Variants in RBFOX1 observed in about 807,000 individuals in gnomAD.
RBFOX1 encodes RNA binding fox-1 homolog 1.
Under a neutral mutation model 57.7 loss-of-function variants are expected in RBFOX1, and 8 were observed. The ratio of observed to expected loss-of-function variants is 0.14; its 90% CI spans 0.08 to 0.25. The LOEUF is 0.25. RBFOX1 is among the 10% of genes least tolerant of loss of function. The pLI, the probability that RBFOX1 is intolerant of heterozygous loss-of-function variation, is 1.00. For missense variants in RBFOX1, 611 were observed against 548.5 expected, an observed-to-expected ratio of 1.11 and a Z score of -1.14; for synonymous variants, 326 against 222.4, an observed-to-expected ratio of 1.47 and a Z score of -4.15.
chr16:7,546,465 C>G (rs1400079511), intron 5 of RBFOX1, among the ~76,000 whole-genome samples: 1 of 152,162 alleles, frequency 6.6e-6, no homozygotes, highest in Non-Finnish European at 1.5e-5. Flanking sequence ...TGTGCTTAAA[C>G]CCATATTCAA....
intron 2 of RBFOX1, among the ~76,000 whole-genome samples, chr16:5,477,101 C>G (rs1597223822): frequency 1.3e-5 from 2 of 152,216 alleles, no homozygotes; most frequent in African/African-American, 4.8e-5. Context: ...GCAGCCTCGA[C>G]CTCCTGGGCT....
chr16:5,370,064 T>C (rs1471313025), intron 1 of RBFOX1, among the ~76,000 whole-genome samples: 3 of 152,150 alleles, frequency 2.0e-5, no homozygotes, highest in Non-Finnish European at 2.9e-5. Context: ...TACTATGTGC[T>C]GGGCACCATT....
intron 3 of RBFOX1, among the ~76,000 whole-genome samples, chr16:6,822,403 G>A (rs1379231566): frequency 6.6e-6 from 1 of 152,174 alleles, no homozygotes; most frequent in Non-Finnish European, 1.5e-5. Context: ...ATGCCAGCAA[G>A]TCTTTTAAAA....
At chr16:5,700,128 G>A (rs1374153999) in intron 3 of RBFOX1, among the ~76,000 whole-genome samples, 1 of 152,166 alleles carries the variant, frequency 6.6e-6, no homozygotes, top group Non-Finnish European at 1.5e-5. Flanking sequence ...CACCATGCCT[G>A]GCCAGTGTTC....
At chr16:6,421,921 CTTTTTTTTTTT>C (rs35479646) in intron 2 of RBFOX1, among the ~76,000 whole-genome samples, 1 of 99,822 alleles carries the variant, frequency 1.0e-5, no homozygotes, top group East Asian at 2.9e-4. Context: ...GGGACCAGAC[CTTTTTTTTTTT>C]TTTTTTTTTG....
intron 4 of RBFOX1, among the ~76,000 whole-genome samples, chr16:5,904,878 G>T (rs185032378): frequency 0.022 from 3,341 of 150,274 alleles, 53 homozygotes; most frequent in Middle Eastern, 0.042. Flanking sequence ...TCGGGAGGCT[G>T]AGGCAGGAGA....
chr16:7,067,805 G>C (rs530000167), intron 4 of RBFOX1, among the ~76,000 whole-genome samples: 4 of 150,948 alleles, frequency 2.6e-5, no homozygotes, highest in East Asian at 3.9e-4. Context: ...TTGTCCTTGC[G>C]ATAGTTTACT....
At chr16:5,575,546 G>A (rs1379303508) in intron 2 of RBFOX1, among the ~76,000 whole-genome samples, 1 of 152,156 alleles carries the variant, frequency 6.6e-6, no homozygotes, top group Non-Finnish European at 1.5e-5. Flanking sequence ...TACACTGCCT[G>A]GCATCTACTC....
At chr16:6,202,513 C>G (rs1461032258) in intron 1 of RBFOX1, among the ~76,000 whole-genome samples, 2 of 152,098 alleles carry the variant, frequency 1.3e-5, no homozygotes, top group African/African-American at 4.8e-5. Flanking sequence ...TCACAGATAA[C>G]TCATGCACCT....
At chr16:5,250,798 C>A (rs1243971538) in intron 1 of RBFOX1, among the ~76,000 whole-genome samples, 1 of 152,140 alleles carries the variant, frequency 6.6e-6, no homozygotes, top group Non-Finnish European at 1.5e-5. Context: ...GGATGGTTTC[C>A]GCCTTTTCCC....
At chr16:6,762,151 G>A (rs1478234528) in intron 3 of RBFOX1, among the ~76,000 whole-genome samples, 1 of 152,064 alleles carries the variant, frequency 6.6e-6, no homozygotes, top group Non-Finnish European at 1.5e-5. Context: ...CTTCTCCTCT[G>A]TAAAATGTAG....
intron 5 of RBFOX1, among the ~76,000 whole-genome samples, chr16:7,559,768 G>C (rs1035105279): frequency 8.5e-5 from 13 of 152,130 alleles, no homozygotes; most frequent in African/African-American, 3.1e-4. Flanking sequence ...CTTAGTCTTT[G>C]GTTCTTATCC....
chr16:6,797,559 G>T lies in RBFOX1; in HGVS notation c.-16+142909G>T, dbSNP rs527771985. On this transcript the variant is annotated intron_variant, in intron 3 of 15. Coordinates refer to ENST00000550418, the MANE Select transcript of RBFOX1 (RefSeq NM_018723.4). ...ACTGCACCTATTATATTACAATGGG[G>T]GTAAAAGAAGCACTTTCCATTTTCA... Among the ~76,000 whole-genome samples the T allele has an allele frequency of 5.3e-5, 8 of 152,156 alleles. No individual in the cohort carries two copies. The South Asian group carries it at 1.7e-3, about 32-fold the overall frequency.
chr16:7,178,251 C>G (rs138227892), intron 4 of RBFOX1, among the ~76,000 whole-genome samples: 6 of 152,354 alleles, frequency 3.9e-5, no homozygotes, highest in African/African-American at 1.4e-4. Context: ...GTCAGAGGCA[C>G]TATCAGCCTG....
At chr16:7,214,048 C>T (rs970570046) in intron 4 of RBFOX1, among the ~76,000 whole-genome samples, 2 of 151,516 alleles carry the variant, frequency 1.3e-5, no homozygotes, top group East Asian at 3.9e-4. Flanking sequence ...GAAACTGGTC[C>T]TTTCTGGAAG....
At chr16:7,650,704 G>T (rs1241940881) in intron 11 of RBFOX1, among the ~76,000 whole-genome samples, 1 of 152,156 alleles carries the variant, frequency 6.6e-6, no homozygotes, top group Admixed American at 6.5e-5. Context: ...ACAATGAATG[G>T]GTCAGCATAA....
chr16:6,692,503 C>G (rs2060343303), intron 3 of RBFOX1, among the ~76,000 whole-genome samples: 1 of 152,158 alleles, frequency 6.6e-6, no homozygotes, highest in Non-Finnish European at 1.5e-5. Context: ...AACAAAGAAA[C>G]AAACAGCATG....
chr16:6,804,089 C>T (rs1443478955), intron 3 of RBFOX1, among the ~76,000 whole-genome samples: 1 of 152,082 alleles, frequency 6.6e-6, no homozygotes, highest in Non-Finnish European at 1.5e-5. Flanking sequence ...TCGCTGCAAC[C>T]TCTGCCTCCT....
intron 3 of RBFOX1, among the ~76,000 whole-genome samples, chr16:6,767,673 T>C (rs539210881): frequency 5.3e-4 from 81 of 152,018 alleles, no homozygotes; most frequent in African/African-American, 1.9e-3. Flanking sequence ...CCCAACACTT[T>C]GGGAGGCCAA....
Sources: gnomAD v4.1 joint callset for allele counts (sites outside exome capture counted in the v4.1 genomes callset) on GRCh38, gnomAD v4.1.1 for gene constraint, MANE v1.5 for transcripts, NCBI Gene and HGNC (gene_info 2026-07-23, HGNC 2026-07-21) for gene names.